The following KIF1B variants were observed in gnomAD, a reference collection of about 807,000 sequenced individuals.
The protein encoded by KIF1B is kinesin-like protein KIF1B.
KIF1B carries 76 observed loss-of-function variants against 241.9 expected under a neutral mutation model. The ratio of observed to expected loss-of-function variants is 0.31; its 90% CI spans 0.26 to 0.38. The LOEUF (loss-of-function observed/expected upper bound fraction) is 0.38, where lower values mean the gene tolerates loss of function less well. Ranked by LOEUF, KIF1B falls within the 10% of genes least tolerant of loss-of-function variation. The pLI is 1.00. For synonymous variants in KIF1B, 750 were observed against 796.7 expected (o/e 0.94, Z 0.99); for missense variants, 1,622 against 2,271.4 (o/e 0.71, Z 5.81).
At chr1:10,358,651 C>G (rs184154327) in intron 38 of KIF1B, among the ~76,000 whole-genome samples, 2 of 149,952 alleles carry the variant, frequency 1.3e-5, no homozygotes, top group East Asian at 3.9e-4. Context: ...CCACCCTACT[C>G]CAGCCTGGGT....
intron 1 of KIF1B, among the ~76,000 whole-genome samples, chr1:10,212,923 TATATATATACAC>T (rs1323601907): frequency 2.5e-5 from 3 of 119,674 alleles, no homozygotes; most frequent in African/African-American, 8.8e-5. Flanking sequence ...TATATATATA[TATATATATACAC>T]ACACACATTT....
At chr1:10,232,927 TTC>T (rs2102130212) in intron 2 of KIF1B, among the ~76,000 whole-genome samples, 1 of 152,348 alleles carries the variant, frequency 6.6e-6, no homozygotes, top group East Asian at 1.9e-4. Context: ...CATAGTTTGT[TTC>T]TCTATAGAAT....
intron 2 of KIF1B, among the ~76,000 whole-genome samples, chr1:10,251,580 C>T (rs1297092281): frequency 1.3e-5 from 2 of 151,694 alleles, no homozygotes; most frequent in Non-Finnish European, 2.9e-5. Context: ...ACTAGACATA[C>T]AAAATTAGCC....
chr1:10,336,801 G>A (rs1475888011), intron 29 of KIF1B, 59 bp downstream of exon 29: 3 of 1,474,450 alleles, frequency 2.0e-6, no homozygotes, highest in African/African-American at 1.4e-5. Flanking sequence ...GTTCAGCATT[G>A]GAGATCAGTT....
At chr1:10,282,244 C>A in intron 14 of KIF1B, 78 bp from the exon 15 acceptor site, 2 of 1,144,524 alleles carry the variant, frequency 1.7e-6, no homozygotes, top group Non-Finnish European at 1.3e-6. Flanking sequence ...CAACGATATT[C>A]CTTCCTGTCT....
chr1:10,253,786 A>T (rs1010092215), intron 2 of KIF1B, among the ~76,000 whole-genome samples: 8 of 152,208 alleles, frequency 5.3e-5, no homozygotes, highest in Admixed American at 3.3e-4. Flanking sequence ...TTGCATGTGG[A>T]GAGATGTTCC....
intron 22 of KIF1B, among the ~76,000 whole-genome samples, chr1:10,300,267 T>G (rs943289288): frequency 8.8e-5 from 13 of 148,462 alleles, no homozygotes; most frequent in Non-Finnish European, 1.5e-4. Flanking sequence ...ATAATAATAA[T>G]ATAGATAAAT....
chr1:10,227,312 C>T (rs755408394), intron 1 of KIF1B, among the ~76,000 whole-genome samples: 4 of 152,082 alleles, frequency 2.6e-5, no homozygotes, highest in East Asian at 1.9e-4. Context: ...GGATGACAGG[C>T]GTGAGCCACC....
rs781320817 is a variant in KIF1B, at chr1:10,355,210, T to TTG, written c.4055+2478_4055+2479dup. Among the ~76,000 whole-genome samples, 29 of 152,346 alleles carry TTG rather than the reference T, an allele frequency of 1.9e-4. 1 individual carries two copies. In the Middle Eastern group the frequency reaches 0.01, roughly 54 times the overall value. ...ATGTTATTGTAAGTCCTCTATGGAA[T>TTG]TGTGTTCCATGGGATTCTGTGTTAA... On this transcript the variant is annotated intron_variant, in intron 38 of 48. Coordinates refer to ENST00000676179, the MANE Select transcript of KIF1B (RefSeq NM_001365951.3).
intron 22 of KIF1B, among the ~76,000 whole-genome samples, chr1:10,297,687 T>TA (rs1650337188): frequency 1.3e-5 from 2 of 152,190 alleles, no homozygotes; most frequent in Admixed American, 6.5e-5. Flanking sequence ...GGATTGTTCT[T>TA]ACGCTGGGCA....
rs869146825 is a variant in KIF1B at position 10,259,505 on chromosome 1, A to ATTT, written c.363+846_363+848dup. On this transcript the variant is annotated intron_variant, in intron 4 of 48. Coordinates refer to ENST00000676179, the MANE Select transcript of KIF1B (RefSeq NM_001365951.3). ...CATTTTTAAATTAAAAAAAAAAAAA[A>ATTT]TTTTTTTTTTTTTTTGAGGTGGAGT... Among the ~76,000 whole-genome samples the ATTT allele has an allele frequency of 1.3e-3, 152 of 121,556 alleles. 1 individual carries two copies. The Middle Eastern group carries it at 0.023, about 18-fold the overall frequency. 79.7% of individuals were successfully genotyped at this position (121,556 alleles called of 152,430 possible).
At chr1:10,273,879 T>TG (rs1349421652) in intron 10 of KIF1B, among the ~76,000 whole-genome samples, 1 of 151,502 alleles carries the variant, frequency 6.6e-6, no homozygotes, top group Non-Finnish European at 1.5e-5. Flanking sequence ...ATAAAACTGC[T>TG]GATTTGCTGG....
chr1:10,361,986 A>G (rs146198829), intron 40 of KIF1B, among the ~76,000 whole-genome samples, 161 bp downstream of exon 40: 2 of 152,328 alleles, frequency 1.3e-5, no homozygotes, highest in East Asian at 3.9e-4. Context: ...GCTGACATTT[A>G]ATAAAATGTT....
intron 18 of KIF1B, 42 bp downstream of exon 18, chr1:10,295,207 C>T: frequency 8.5e-7 from 1 of 1,183,386 alleles, no homozygotes; most frequent in Non-Finnish European, 1.3e-6. Flanking sequence ...GTGTTTTCCC[C>T]CTCTTAGATA....
At chr1:10,216,350 T>A (rs1428100161) in intron 1 of KIF1B, among the ~76,000 whole-genome samples, 1 of 152,220 alleles carries the variant, frequency 6.6e-6, no homozygotes, top group East Asian at 1.9e-4. Flanking sequence ...CATAATCACT[T>A]TATGTGTGTT....
intron 1 of KIF1B, chr1:10,211,854 G>A (rs1646697760): frequency 1.3e-5 from 2 of 152,286 alleles, no homozygotes; most frequent in South Asian, 4.1e-4. Flanking sequence ...CATGTGCATA[G>A]GCCGATCTGA....
At chr1:10,321,610 A>T in intron 23 of KIF1B, 99 bp from the exon 24 acceptor site, 1 of 1,324,358 alleles carries the variant, frequency 7.6e-7, no homozygotes, top group South Asian at 1.2e-5. Context: ...GAGAAACTGG[A>T]AAACACCTCA....
intron 2 of KIF1B, among the ~76,000 whole-genome samples, chr1:10,248,490 T>G (rs576312360): frequency 8.1e-4 from 124 of 152,296 alleles, no homozygotes; most frequent in African/African-American, 2.9e-3. Context: ...TGTGAGCTAC[T>G]GTGCTCAGCT....
In KIF1B at chr1:10,376,788, A is replaced by G. The variant is rs992482431; in HGVS notation, c.*201A>G. 96 of 590,946 alleles carry G rather than the reference A, an allele frequency of 1.6e-4. No homozygotes were observed. Among genetic ancestry groups the G allele is most frequent in the Non-Finnish European group, 2.6e-4 (83 of 324,306 alleles). The allele number at this position is 590,946 out of a possible 1,614,324, so 36.6% of individuals were successfully genotyped here. On this transcript the variant is annotated 3_prime_UTR_variant, in exon 49 of 49. Coordinates refer to ENST00000676179, the MANE Select transcript of KIF1B (RefSeq NM_001365951.3). The stretch of plus-strand genomic sequence containing the variant: ...TCTTTTCTTTTTTCTTGTGCTGAGA[A>G]TCTCGTTAGTAGCATGTGGCCTAAC...
Sources: gnomAD v4.1 joint callset for allele counts (sites outside exome capture counted in the v4.1 genomes callset) on GRCh38, gnomAD v4.1.1 for gene constraint, MANE v1.5 for transcripts, NCBI Gene and HGNC (gene_info 2026-07-23, HGNC 2026-07-21) for gene names.